GTF2F2: variants seen among roughly 807,000 people sequenced by gnomAD.
The protein encoded by GTF2F2 is general transcription factor IIF subunit 2.
A neutral mutation model predicts 42.2 loss-of-function variants in GTF2F2; 23 were observed. That is an observed-to-expected ratio of 0.55 (90% confidence interval 0.39 to 0.77). The LOEUF is 0.77. Ranked by LOEUF, GTF2F2 falls within the 30% of genes least tolerant of loss-of-function variation. GTF2F2 has a pLI of 0.00. For missense variants in GTF2F2, 261 were observed against 287.2 expected (o/e 0.91, Z 0.66); for synonymous variants, 105 against 100.8 (o/e 1.04, Z -0.25).
At chr13:45,240,446 TTTTC>T (rs1875231566) in intron 5 of GTF2F2, among the ~76,000 whole-genome samples, 1 of 151,942 alleles carries the variant, frequency 6.6e-6, no homozygotes. Context: ...TTTGAAAGGG[TTTTC>T]TGTTGGTTTG....
In GTF2F2 at chr13:45,186,521, G is replaced by T. The variant is rs550246921; in HGVS notation, c.305-20903G>T. 7.9e-5 allele frequency among the ~76,000 whole-genome samples: 12 copies of T among 151,764 alleles called. No homozygotes were observed. In the East Asian group the frequency reaches 2.3e-3, roughly 29 times the overall value. On this transcript the variant is annotated intron_variant, in intron 4 of 7. Transcript: ENST00000340473. ...TTGGCCAAGCTGGTCTCGAACTCCT[G>T]ACCTGGTGATTCACCCGCCTCAGCC...
intron 4 of GTF2F2, among the ~76,000 whole-genome samples, chr13:45,203,517 G>T (rs1417390427): frequency 6.6e-6 from 1 of 152,030 alleles, no homozygotes; most frequent in Non-Finnish European, 1.5e-5. Flanking sequence ...TGTCTCACCT[G>T]TACCTAATTT....
chr13:45,215,429 A>G (rs1873846921), intron 5 of GTF2F2, among the ~76,000 whole-genome samples: 1 of 152,224 alleles, frequency 6.6e-6, no homozygotes, highest in African/African-American at 2.4e-5. Context: ...ACTATAACAG[A>G]AAACTAGGCA....
chr13:45,151,726 G>A lies in GTF2F2; in HGVS notation c.199G>A (p.Asp67Asn), dbSNP rs751698945. 1 of 1,606,100 alleles carries A rather than the reference G, an allele frequency of 6.2e-7. No homozygotes were observed. ...TLNEDLANIH[D>N]IGGKPASVSA... The stretch of plus-strand genomic sequence containing the variant: ...GAATGAGGATCTTGCAAATATTCAT[G>A]ATATTGGTGGAAAACCAGCTTCAGT... Residue 67 changes from aspartate (D) to asparagine (N), a missense_variant, in exon 4 of 8, where the codon GAT becomes AAT. Asp to Asn is a conservative substitution (Grantham distance 23). Transcript: ENST00000340473.
chr13:45,129,674 A>C lies in GTF2F2; in HGVS notation c.67-7059A>C, dbSNP rs1869233238. 2.0e-5 allele frequency among the ~76,000 whole-genome samples: 3 copies of C among 152,340 alleles called. No individual in the cohort carries two copies. In the Middle Eastern group the frequency reaches 0.01, roughly 518 times the overall value. ...TCATTAAAATGATAACTATTCTTCT[A>C]TTCTGGATGCTAGAGATATGACAGT... On this transcript the variant is annotated intron_variant, in intron 1 of 7. Transcript: ENST00000340473.
intron 1 of GTF2F2, among the ~76,000 whole-genome samples, chr13:45,125,009 G>A (rs984829708): frequency 2.0e-5 from 3 of 152,212 alleles, no homozygotes; most frequent in East Asian, 1.9e-4. Flanking sequence ...ACAGGCAAGC[G>A]CTTGGACATT....
intron 4 of GTF2F2, chr13:45,194,176 T>A (rs1267424827): frequency 3.1e-6 from 5 of 1,614,036 alleles, no homozygotes; most frequent in African/African-American, 2.7e-5. Flanking sequence ...CTGTTCTTTC[T>A]CCCACCTGGA....
At chr13:45,231,347 C>G (rs1008813808) in intron 5 of GTF2F2, among the ~76,000 whole-genome samples, 2 of 152,178 alleles carry the variant, frequency 1.3e-5, no homozygotes, top group African/African-American at 4.8e-5. Context: ...ACCTCATGAT[C>G]TGCCCACCTC....
At chr13:45,140,549 T>G (rs1306483263) in intron 2 of GTF2F2, among the ~76,000 whole-genome samples, 1 of 152,190 alleles carries the variant, frequency 6.6e-6, no homozygotes, top group Non-Finnish European at 1.5e-5. Context: ...ATTAAGATAA[T>G]ATGGAAATAG....
At chr13:45,121,340 T>C (rs1868621903) in intron 1 of GTF2F2, among the ~76,000 whole-genome samples, 1 of 152,234 alleles carries the variant, frequency 6.6e-6, no homozygotes, top group Non-Finnish European at 1.5e-5. Context: ...CAGTAAGCAC[T>C]ATTTGTGCTT....
At chr13:45,124,303 C>T (rs566001315) in intron 1 of GTF2F2, among the ~76,000 whole-genome samples, 101 of 151,204 alleles carry the variant, frequency 6.7e-4, no homozygotes, top group African/African-American at 2.2e-3. Context: ...AGGATGGTCT[C>T]GATCTCCTGA....
chr13:45,170,851 T>G (rs1267413115), intron 4 of GTF2F2, among the ~76,000 whole-genome samples: 1 of 151,942 alleles, frequency 6.6e-6, no homozygotes, highest in East Asian at 1.9e-4. Context: ...GAGGGGAGAT[T>G]GTAATGAAAG....
chr13:45,254,622 T>A (rs1566152472), intron 6 of GTF2F2, among the ~76,000 whole-genome samples: 1 of 152,152 alleles, frequency 6.6e-6, no homozygotes, highest in Admixed American at 6.5e-5. Flanking sequence ...TCAGTCCAGG[T>A]GTTGAACTTA....
rs145738682 is a variant in GTF2F2 at position 45,166,466 on chromosome 13, A to G, written c.304+14635A>G. ...TTGGCTGATAAGGAAATGACAGAAT[A>G]GAAAATTATTTCTGGAATAGTACTG... On this transcript the variant is annotated intron_variant, in intron 4 of 7. Coordinates refer to ENST00000340473, the MANE Select transcript of GTF2F2 (RefSeq NM_004128.3). Among the ~76,000 whole-genome samples, 43 of 152,372 alleles carry G rather than the reference A, an allele frequency of 2.8e-4. No individual in the cohort carries two copies. The East Asian group carries it at 4.6e-3, about 16-fold the overall frequency.
At chr13:45,212,590 C>T (rs1391708690) in intron 5 of GTF2F2, among the ~76,000 whole-genome samples, 2 of 127,350 alleles carry the variant, frequency 1.6e-5, no homozygotes, top group Non-Finnish European at 3.4e-5. Context: ...TGAGACAAGT[C>T]TTGCTTGCTC....
intron 2 of GTF2F2, 88 bp from the exon 3 acceptor site, chr13:45,149,682 T>C: frequency 1.6e-6 from 2 of 1,260,652 alleles, no homozygotes; most frequent in African/African-American, 1.7e-5. Flanking sequence ...TTTATGTAAA[T>C]ATGAAGTTTT....
intron 4 of GTF2F2, among the ~76,000 whole-genome samples, chr13:45,191,347 T>C (rs924922808): frequency 1.8e-4 from 27 of 150,000 alleles, no homozygotes; most frequent in African/African-American, 6.4e-4. Context: ...ATGGCAACTA[T>C]AGTAACCTAC....
At position 45,153,006 on chromosome 13, in the gene GTF2F2, C is replaced by T. The variant is rs1024115014; in HGVS notation, c.304+1175C>T. ...CATTGTTTAAAAAAAGGAACATCCT[C>T]GTAAATTTTTTTTTTTTTTTTTGAG... On this transcript the variant is annotated intron_variant, in intron 4 of 7. Coordinates refer to ENST00000340473, the MANE Select transcript of GTF2F2 (RefSeq NM_004128.3). Among the ~76,000 whole-genome samples the T allele has an allele frequency of 2.2e-4, 33 of 147,380 alleles. 2 individuals carry two copies. The highest frequency in any genetic ancestry group is 1.4e-3 in the East Asian group (7 of 5,154).
At chr13:45,226,799 A>T (rs1052589748) in intron 5 of GTF2F2, among the ~76,000 whole-genome samples, 3 of 152,342 alleles carry the variant, frequency 2.0e-5, no homozygotes, top group Admixed American at 2.0e-4. Context: ...CAGTTGCAGT[A>T]TATAGTTTTC....
Sources: gnomAD v4.1 joint callset for allele counts (sites outside exome capture counted in the v4.1 genomes callset) on GRCh38, gnomAD v4.1.1 for gene constraint, MANE v1.5 for transcripts, NCBI Gene and HGNC (gene_info 2026-07-23, HGNC 2026-07-21) for gene names.